TARBP1: variants seen among roughly 807,000 people sequenced by gnomAD.
TARBP1 encodes tRNA guanosine 2 -O-methyltransferase TARBP1.
In TARBP1, 144 loss-of-function variants were observed where a neutral mutation model predicts 178.6. The observed-to-expected ratio is 0.81, with a 90% CI of 0.70 to 0.93. The LOEUF is 0.93. Among genes scored for constraint, TARBP1 ranks in the 40% least tolerant of loss-of-function variants. The probability of loss-of-function intolerance (pLI) is 0.00; values close to 1 mark genes in which losing one functional copy is unlikely to be tolerated. For missense variants in TARBP1, 2,067 were observed against 2,011.7 expected, an observed-to-expected ratio of 1.03 and a Z score of -0.53; for synonymous variants, 787 against 781.0, an observed-to-expected ratio of 1.01 and a Z score of -0.13.
Position 234,437,259 on chromosome 1 carries a change from T to G in TARBP1, c.2232+16A>C, listed in dbSNP as rs1199608284. ...TGAAAGAAATGAAAAAGAAAGTTATTCCACTGAATACTTACACTATTTAGC... is the reference window on the plus strand; with the variant it reads ...TGAAAGAAATGAAAAAGAAAGTTATGCCACTGAATACTTACACTATTTAGC... On this transcript the variant is annotated intron_variant, in intron 13 of 29. Transcript: ENST00000040877. The G allele has an allele frequency of 7.9e-7, 1 of 1,261,932 alleles. No individual in the cohort carries two copies. Among genetic ancestry groups the G allele is most frequent in the East Asian group, 2.5e-5 (1 of 40,556 alleles). 78.2% of individuals were successfully genotyped at this position (1,261,932 alleles called of 1,614,324 possible). A position where few individuals can be genotyped will look rare whatever the true frequency, so the allele number is the denominator to read the frequency against.
intron 12 of TARBP1, among the ~76,000 whole-genome samples, chr1:234,444,824 TAC>T (rs913917587): frequency 6.6e-6 from 1 of 152,148 alleles, no homozygotes; most frequent in African/African-American, 2.4e-5. Flanking sequence ...CTGGATTCCA[TAC>T]ACTCTCACCT....
At chr1:234,412,276 G>C (rs1430924472) in intron 22 of TARBP1, among the ~76,000 whole-genome samples, 1 of 152,118 alleles carries the variant, frequency 6.6e-6, no homozygotes, top group African/African-American at 2.4e-5. Context: ...ACAAAAATTA[G>C]CTGGGCATGG....
At chr1:234,421,383 C>A (rs1663073656) in intron 20 of TARBP1, among the ~76,000 whole-genome samples, 2 of 152,202 alleles carry the variant, frequency 1.3e-5, no homozygotes, top group East Asian at 3.8e-4. Context: ...GCCATGGCGC[C>A]TGGCTAAGTG....
chr1:234,469,702 C>A (rs1266054536), intron 3 of TARBP1, among the ~76,000 whole-genome samples: 1 of 152,188 alleles, frequency 6.6e-6, no homozygotes, highest in Non-Finnish European at 1.5e-5. Context: ...TGAACACAGG[C>A]CAAAACACTA....
At chr1:234,450,642 T>A in intron 9 of TARBP1, 76 bp from the exon 10 acceptor site, 1 of 1,485,808 alleles carries the variant, frequency 6.7e-7, no homozygotes, top group Admixed American at 2.5e-5. Flanking sequence ...TTAAGCCACG[T>A]TTCTTTCTTT....
chr1:234,418,176 C>T lies in TARBP1; in HGVS notation c.3613G>A (p.Ala1205Thr). 8 of 1,551,178 alleles carry T rather than the reference C, an allele frequency of 5.2e-6. No individual in the cohort carries two copies. In the East Asian group the frequency reaches 1.7e-4, roughly 33 times the overall value. ...CATTCTATAAAATATTTTATGGATG[C>T]TTGATTGTTGGTGAAACCAGCCTGG... is the stretch of plus-strand genomic sequence containing the variant. ...IFQAGFTNNQ[A>T]SIKYFIEWII... The change falls in exon 22 of 30, where the codon GCA (alanine) becomes ACA (threonine). Residue 1205 changes from alanine (A) to threonine (T), a missense_variant. Ala to Thr is a moderately conservative substitution (Grantham distance 58). Transcript: ENST00000040877.
chr1:234,455,059 C>T (rs1032664331), intron 9 of TARBP1, among the ~76,000 whole-genome samples: 5 of 152,166 alleles, frequency 3.3e-5, no homozygotes, highest in Admixed American at 2.0e-4. Flanking sequence ...CCGAGAAATG[C>T]AAGCAATACA....
chr1:234,470,959 C>G (rs6694247), intron 3 of TARBP1, among the ~76,000 whole-genome samples: 20,197 of 151,826 alleles, frequency 0.13, 1,786 homozygotes, highest in African/African-American at 0.26. Flanking sequence ...TGAGTAGATG[C>G]ATATAGTTAT....
intron 4 of TARBP1, 82 bp downstream of exon 4, chr1:234,467,420 A>T: frequency 7.8e-7 from 1 of 1,276,996 alleles, no homozygotes; most frequent in Non-Finnish European, 1.0e-6. Context: ...CCAAAATGTT[A>T]CTTGCTGATA....
At chr1:234,400,799 G>C (rs1032735184) in intron 25 of TARBP1, 1 of 157,018 alleles carries the variant, frequency 6.4e-6, no homozygotes, top group Admixed American at 6.4e-5. Context: ...TAACAAAAAA[G>C]TATATCTTTT....
intron 28 of TARBP1, 164 bp from the exon 29 acceptor site, chr1:234,392,716 T>TC: frequency 2.3e-6 from 1 of 439,502 alleles, no homozygotes; most frequent in Non-Finnish European, 3.7e-6. Flanking sequence ...TCAATTTCTT[T>TC]TTTTTTTTTT....
At chr1:234,429,348 T>C in intron 16 of TARBP1, 24 bp from the exon 17 acceptor site, 2 of 1,565,182 alleles carry the variant, frequency 1.3e-6, no homozygotes, top group Non-Finnish European at 1.7e-6. Flanking sequence ...AAAAAATACA[T>C]ACTTATTTCA....
At chr1:234,401,033 A>G in intron 25 of TARBP1, 148 bp downstream of exon 25, 1 of 576,148 alleles carries the variant, frequency 1.7e-6, no homozygotes, top group South Asian at 2.4e-5. Context: ...AAAGTGACAA[A>G]GTTAAACTTA....
At chr1:234,453,023 A>G (rs1666934430) in intron 9 of TARBP1, among the ~76,000 whole-genome samples, 1 of 152,222 alleles carries the variant, frequency 6.6e-6, no homozygotes, top group Non-Finnish European at 1.5e-5. Flanking sequence ...AACTATAGAG[A>G]GTAAAAAGAT....
At chr1:234,437,694 G>A (rs1558207624) in intron 12 of TARBP1, among the ~76,000 whole-genome samples, 1 of 152,202 alleles carries the variant, frequency 6.6e-6, no homozygotes, top group Non-Finnish European at 1.5e-5. Flanking sequence ...TCAGAGAGAA[G>A]TAACACTGAA....
chr1:234,472,323 T>C (rs1392881745), intron 2 of TARBP1, among the ~76,000 whole-genome samples: 2 of 98,664 alleles, frequency 2.0e-5, no homozygotes, highest in African/African-American at 9.1e-5. Flanking sequence ...AGCAAGACTC[T>C]GTCTCCAAAA....
At chr1:234,396,005 A>G (rs1659898891) in intron 26 of TARBP1, among the ~76,000 whole-genome samples, 1 of 152,208 alleles carries the variant, frequency 6.6e-6, no homozygotes, top group Non-Finnish European at 1.5e-5. Flanking sequence ...TATGCATGAA[A>G]ACGCCACACT....
chr1:234,446,858 C>T lies in TARBP1; in HGVS notation c.2079G>A (p.Gln693=), dbSNP rs1450759388. The T allele has an allele frequency of 1.2e-6, 2 of 1,613,944 alleles. No homozygotes were observed. Among genetic ancestry groups the T allele is most frequent in the Admixed American group, 1.7e-5 (1 of 59,990 alleles). Reference sequence around the variant, plus strand: ...ATGTGTTCAACAGCTTCAACAGCAGCTGGAGGCATCTGTCAGTCTTCAGCA... The same window carrying T: ...ATGTGTTCAACAGCTTCAACAGCAGTTGGAGGCATCTGTCAGTCTTCAGCA... The part of the protein sequence containing the change: ...MPLLKTDRCL[Q]LLLKLLNTCR... The change falls in exon 12 of 30, where the codon CAG becomes CAA. Residue 693 remains glutamine (Q), a synonymous_variant. Coordinates refer to ENST00000040877, the MANE Select transcript of TARBP1 (RefSeq NM_005646.4).
At chr1:234,412,560 T>C (rs1661942685) in intron 22 of TARBP1, among the ~76,000 whole-genome samples, 1 of 151,856 alleles carries the variant, frequency 6.6e-6, no homozygotes, top group South Asian at 2.1e-4. Flanking sequence ...TCCCAGCTAC[T>C]TAGAGGGCTG....
Sources: allele counts gnomAD v4.1 joint callset (sites outside exome capture counted in the v4.1 genomes callset), GRCh38; gene constraint gnomAD v4.1.1; transcripts MANE v1.5; gene names NCBI Gene and HGNC (gene_info 2026-07-23, HGNC 2026-07-21).